The following AFF1 variants were observed in gnomAD, a reference collection of about 807,000 sequenced individuals.
The protein encoded by AFF1 is ALF transcription elongation factor 1, also known as AF4/FMR2 family member 1.
AFF1 carries 48 observed loss-of-function variants against 121.7 expected under a neutral mutation model. The ratio of observed to expected loss-of-function variants is 0.39; its 90% CI spans 0.31 to 0.50. AFF1 has a LOEUF of 0.50. Ranked by LOEUF, AFF1 falls within the 20% of genes least tolerant of loss-of-function variation. The pLI is 0.76. For synonymous variants in AFF1, 613 were observed against 563.0 expected (o/e 1.09, Z -1.26); for missense variants, 1,523 against 1,511.7 (o/e 1.01, Z -0.12).
chr4:87,008,507 C>T (rs1485098969), intron 2 of AFF1, among the ~76,000 whole-genome samples: 3 of 152,086 alleles, frequency 2.0e-5, no homozygotes, highest in Non-Finnish European at 2.9e-5. Context: ...TCCTCTGCTT[C>T]CATTTTATTG....
chr4:87,009,608 T>G (rs340636), intron 2 of AFF1, among the ~76,000 whole-genome samples: 64,973 of 152,106 alleles, frequency 0.43, 16,637 homozygotes, highest in South Asian at 0.65. Flanking sequence ...TATCTCACAT[T>G]TTGTAAATGT....
intron 12 of AFF1, among the ~76,000 whole-genome samples, chr4:87,119,406 C>T (rs1036653368): frequency 6.6e-6 from 1 of 151,522 alleles, no homozygotes; most frequent in Non-Finnish European, 1.5e-5. Flanking sequence ...CTGTGAGACA[C>T]TGTCTCTGAA....
intron 1 of AFF1, among the ~76,000 whole-genome samples, chr4:86,945,182 A>G (rs548637908): frequency 6.6e-6 from 1 of 152,348 alleles, no homozygotes; most frequent in East Asian, 1.9e-4. Context: ...TGTTTTACAC[A>G]TAGGGGCATG....
intron 1 of AFF1, among the ~76,000 whole-genome samples, chr4:86,941,025 T>C (rs974296283): frequency 3.3e-5 from 5 of 151,718 alleles, no homozygotes; most frequent in African/African-American, 1.2e-4. Context: ...GAGGTGGAGG[T>C]TGCAGTGAGC....
chr4:87,064,397 T>C (rs557465046), intron 4 of AFF1, among the ~76,000 whole-genome samples: 7 of 152,334 alleles, frequency 4.6e-5, no homozygotes, highest in South Asian at 2.1e-4. Context: ...TCCCAAGATA[T>C]TCATTCAGTT....
intron 4 of AFF1, among the ~76,000 whole-genome samples, chr4:87,081,861 G>C (rs1723212801): frequency 6.6e-6 from 1 of 152,104 alleles, no homozygotes; most frequent in Admixed American, 6.5e-5. Flanking sequence ...TCTAAAATAA[G>C]CTCTCAAAAT....
At chr4:87,059,409 A>G (rs17012333) in intron 4 of AFF1, among the ~76,000 whole-genome samples, 2,946 of 152,220 alleles carry the variant, frequency 0.019, 95 homozygotes, top group African/African-American at 0.067. Context: ...GCTTGATCCT[A>G]TGGAGATTAC....
chr4:87,048,545 A>G (rs1451284895), intron 4 of AFF1, among the ~76,000 whole-genome samples: 1 of 152,220 alleles, frequency 6.6e-6, no homozygotes, highest in South Asian at 2.1e-4. Flanking sequence ...TAAACATTCT[A>G]ATTTGCATCT....
At chr4:87,045,004 G>C (rs755069527) in intron 2 of AFF1, among the ~76,000 whole-genome samples, 6 of 152,252 alleles carry the variant, frequency 3.9e-5, no homozygotes, top group Non-Finnish European at 8.8e-5. Flanking sequence ...TGAGAACCAG[G>C]GCCTTAAATC....
intron 2 of AFF1, among the ~76,000 whole-genome samples, chr4:86,956,920 C>G (rs1721784462): frequency 1.3e-5 from 2 of 152,116 alleles, no homozygotes; most frequent in African/African-American, 2.4e-5. Flanking sequence ...AATTGCTTGC[C>G]TCTAAGGTAG....
intron 2 of AFF1, among the ~76,000 whole-genome samples, chr4:86,989,103 A>G (rs79540139): frequency 0.56 from 85,621 of 152,086 alleles, 29,027 homozygotes; most frequent in South Asian, 0.77. Context: ...AATCTAGGCA[A>G]TACCATTCAG....
At chr4:86,993,830 A>G (rs6848056) in intron 2 of AFF1, among the ~76,000 whole-genome samples, 136,482 of 152,158 alleles carry the variant, frequency 0.9, 61,920 homozygotes, top group Non-Finnish European at 0.96. Flanking sequence ...TGGGCATGGT[A>G]ATGTGTGCCT....
intron 2 of AFF1, among the ~76,000 whole-genome samples, chr4:87,037,505 G>T (rs1729685941): frequency 6.6e-6 from 1 of 152,082 alleles, no homozygotes. Flanking sequence ...TGGAGATGGG[G>T]TTTCACCATG....
At chr4:87,104,497 T>G (rs1161290385) in intron 8 of AFF1, among the ~76,000 whole-genome samples, 1 of 152,244 alleles carries the variant, frequency 6.6e-6, no homozygotes, top group East Asian at 1.9e-4. Flanking sequence ...CTTATCCCAG[T>G]ATGTTTTTAG....
chr4:87,100,991 C>T (rs527654555), intron 8 of AFF1, among the ~76,000 whole-genome samples: 18 of 152,336 alleles, frequency 1.2e-4, no homozygotes, highest in African/African-American at 4.3e-4. Flanking sequence ...CCATTAACCT[C>T]TTTCACTAGA....
At chr4:87,110,308 T>A (rs1726336243) in intron 11 of AFF1, among the ~76,000 whole-genome samples, 1 of 152,168 alleles carries the variant, frequency 6.6e-6, no homozygotes, top group Non-Finnish European at 1.5e-5. Context: ...GGGGTACCCA[T>A]CACCTCAAGC....
chr4:87,140,344 TGTG>T lies in AFF1; in HGVS notation c.*4644_*4646del. On this transcript the variant is annotated 3_prime_UTR_variant, in exon 21 of 21. Transcript: ENST00000395146. ...AAGTATACACTGTTCATGTTGGGGTTGTGTGTGTGTATGTGTGTATGTACGCAC... is the reference window on the plus strand; with the variant it reads ...AAGTATACACTGTTCATGTTGGGGTTTGTGTGTATGTGTGTATGTACGCAC... 1 of 196,290 alleles carries T rather than the reference TGTG, an allele frequency of 5.1e-6. No individual in the cohort carries two copies. The highest frequency in any genetic ancestry group is 7.9e-5 in the East Asian group (1 of 12,598). The allele number at this position is 196,290 out of a possible 1,614,324, so 12.2% of individuals were successfully genotyped here. A position where few individuals can be genotyped will look rare whatever the true frequency, so the allele number is the denominator to read the frequency against.
chr4:86,951,627 T>C (rs1339267779), intron 2 of AFF1, among the ~76,000 whole-genome samples: 1 of 62,908 alleles, frequency 1.6e-5, no homozygotes, highest in African/African-American at 3.6e-5. Context: ...TTTTTTCTTT[T>C]TTTTTTTTTT....
chr4:87,044,059 A>T (rs1730424129), intron 2 of AFF1, among the ~76,000 whole-genome samples: 1 of 152,050 alleles, frequency 6.6e-6, no homozygotes. Flanking sequence ...CTCGTGATCC[A>T]CCTGCCTTGG....
Sources: gnomAD v4.1 joint callset for allele counts (sites outside exome capture counted in the v4.1 genomes callset) on GRCh38, gnomAD v4.1.1 for gene constraint, MANE v1.5 for transcripts, NCBI Gene and HGNC (gene_info 2026-07-23, HGNC 2026-07-21) for gene names.